RBFOX1: variants seen among roughly 807,000 people sequenced by gnomAD.
RBFOX1 encodes RNA binding fox-1 homolog 1, also known as RNA binding protein fox-1 homolog 1.
Under a neutral mutation model 57.7 loss-of-function variants are expected in RBFOX1, and 8 were observed. That is an observed-to-expected ratio of 0.14 (90% confidence interval 0.08 to 0.25). RBFOX1 has a LOEUF of 0.25. RBFOX1 is among the 10% of genes least tolerant of loss of function. The pLI is 1.00. For missense variants in RBFOX1, 611 were observed against 548.5 expected, an observed-to-expected ratio of 1.11 and a Z score of -1.14; for synonymous variants, 326 against 222.4, an observed-to-expected ratio of 1.47 and a Z score of -4.15.
At chr16:6,616,221 A>T (rs559988795) in intron 2 of RBFOX1, among the ~76,000 whole-genome samples, 1 of 152,208 alleles carries the variant, frequency 6.6e-6, no homozygotes, top group Admixed American at 6.5e-5. Context: ...TGAATAATAA[A>T]TGAATGTCTG....
At chr16:7,171,448 A>G (rs1567558035) in intron 4 of RBFOX1, among the ~76,000 whole-genome samples, 2 of 152,150 alleles carry the variant, frequency 1.3e-5, no homozygotes, top group East Asian at 3.8e-4. Context: ...TGCTTTATGT[A>G]TGTGTGCTTT....
Position 7,247,677 on chromosome 16 carries a change from C to G in RBFOX1, c.27+195579C>G, listed in dbSNP as rs557572992. On this transcript the variant is annotated intron_variant, in intron 4 of 15. Transcript: ENST00000550418. ...TAGTGACTGCTTGTCATTTACACAT[C>G]TCTTAATTTAGCTGAAATGGAATAC... Among the ~76,000 whole-genome samples the G allele has an allele frequency of 7.2e-5, 11 of 152,324 alleles. No individual in the cohort carries two copies. The South Asian group carries it at 2.3e-3, about 32-fold the overall frequency.
intron 6 of RBFOX1, among the ~76,000 whole-genome samples, chr16:7,580,242 G>C (rs1050302586): frequency 6.6e-6 from 1 of 152,110 alleles, no homozygotes; most frequent in African/African-American, 2.4e-5. Flanking sequence ...AATGGCCCAG[G>C]ACATCATACT....
At chr16:6,709,715 C>T (rs536382344) in intron 3 of RBFOX1, among the ~76,000 whole-genome samples, 28 of 152,146 alleles carry the variant, frequency 1.8e-4, no homozygotes, top group East Asian at 1.7e-3. Context: ...TTGCGGGTTT[C>T]GGTGGAACAG....
chr16:7,095,694 A>C (rs539289765), intron 4 of RBFOX1, among the ~76,000 whole-genome samples: 2 of 152,276 alleles, frequency 1.3e-5, no homozygotes, highest in South Asian at 2.1e-4. Context: ...ATCACTCGAT[A>C]AGTAGCAATT....
At chr16:7,340,017 C>A (rs1380310071) in intron 4 of RBFOX1, among the ~76,000 whole-genome samples, 1 of 152,200 alleles carries the variant, frequency 6.6e-6, no homozygotes, top group African/African-American at 2.4e-5. Flanking sequence ...CCCAACTATT[C>A]CAGCAAGAAT....
intron 5 of RBFOX1, among the ~76,000 whole-genome samples, chr16:7,532,607 T>A (rs2080396944): frequency 6.6e-6 from 1 of 152,152 alleles, no homozygotes; most frequent in African/African-American, 2.4e-5. Context: ...CTTCCTTTTC[T>A]CTCTTCTCTC....
At chr16:6,305,277 A>C (rs1026777772) in intron 1 of RBFOX1, among the ~76,000 whole-genome samples, 2 of 152,082 alleles carry the variant, frequency 1.3e-5, no homozygotes, top group Admixed American at 1.3e-4. Context: ...ACCAATACTA[A>C]CCCTCTCTGA....
At chr16:6,947,792 T>C (rs73543294) in intron 3 of RBFOX1, among the ~76,000 whole-genome samples, 11,064 of 152,252 alleles carry the variant, frequency 0.073, 468 homozygotes, top group Middle Eastern at 0.092. Flanking sequence ...TTTTCATTTT[T>C]TGGAGATGGA....
chr16:5,747,704 G>A (rs1339835298), intron 3 of RBFOX1, among the ~76,000 whole-genome samples: 2 of 152,130 alleles, frequency 1.3e-5, no homozygotes, highest in African/African-American at 4.8e-5. Flanking sequence ...TAGTATTTCT[G>A]TGGGATTCGT....
chr16:7,063,262 G>C (rs1237853521), intron 4 of RBFOX1, among the ~76,000 whole-genome samples: 1 of 152,008 alleles, frequency 6.6e-6, no homozygotes, highest in African/African-American at 2.4e-5. Context: ...AGGGTCTTTG[G>C]AACTCTGTCC....
intron 1 of RBFOX1, among the ~76,000 whole-genome samples, chr16:6,085,561 G>A (rs890340061): frequency 6.6e-6 from 1 of 152,144 alleles, no homozygotes; most frequent in Non-Finnish European, 1.5e-5. Flanking sequence ...GAGCCACTGT[G>A]CCCGACCCTC....
chr16:7,498,368 C>T (rs1446288943), intron 4 of RBFOX1, among the ~76,000 whole-genome samples: 1 of 152,098 alleles, frequency 6.6e-6, no homozygotes, highest in Non-Finnish European at 1.5e-5. Flanking sequence ...GCCTCTATGA[C>T]ACCTGAACCA....
intron 1 of RBFOX1, among the ~76,000 whole-genome samples, chr16:5,451,945 C>G (rs923965355): frequency 1.3e-5 from 2 of 152,104 alleles, no homozygotes; most frequent in African/African-American, 2.4e-5. Context: ...ATGGCTGTCT[C>G]TCTGGGGATC....
At chr16:5,715,448 C>T (rs959062297) in intron 3 of RBFOX1, among the ~76,000 whole-genome samples, 2 of 152,206 alleles carry the variant, frequency 1.3e-5, no homozygotes, top group African/African-American at 4.8e-5. Context: ...GTATCTCAAA[C>T]TCGAAATATC....
chr16:6,230,773 G>C (rs926087505), intron 1 of RBFOX1, among the ~76,000 whole-genome samples: 2 of 152,200 alleles, frequency 1.3e-5, no homozygotes, highest in Non-Finnish European at 2.9e-5. Context: ...GGGAGATGAA[G>C]TCCAAGGACA....
chr16:7,304,522 G>A (rs375543225), intron 4 of RBFOX1: 2 of 985,078 alleles, frequency 2.0e-6, no homozygotes, highest in African/African-American at 3.5e-5. Context: ...CTGCTTTCCT[G>A]GGGCTGGGCC....
intron 2 of RBFOX1, among the ~76,000 whole-genome samples, chr16:6,608,412 T>C (rs1480407730): frequency 6.6e-6 from 1 of 152,196 alleles, no homozygotes; most frequent in Non-Finnish European, 1.5e-5. Flanking sequence ...AGTTTTACCA[T>C]CTGCAAAATG....
At chr16:6,435,302 G>GTTTTGTTTTTCT (rs1555471503) in intron 2 of RBFOX1, among the ~76,000 whole-genome samples, 1 of 151,268 alleles carries the variant, frequency 6.6e-6, no homozygotes, top group African/African-American at 2.4e-5. Flanking sequence ...GTTGTTTTTT[G>GTTTTGTTTTTCT]TTTTGTTTTT....
Sources: gnomAD v4.1 joint callset for allele counts (sites outside exome capture counted in the v4.1 genomes callset) on GRCh38, gnomAD v4.1.1 for gene constraint, MANE v1.5 for transcripts, NCBI Gene and HGNC (gene_info 2026-07-23, HGNC 2026-07-21) for gene names.